Variants in CFAP74 observed in about 807,000 individuals in gnomAD.
CFAP74 encodes cilia and flagella associated protein 74, also known as cilia- and flagella-associated protein 74.
In CFAP74, 124 loss-of-function variants were observed where a neutral mutation model predicts 188.9. The observed-to-expected ratio is 0.66, with a 90% CI of 0.57 to 0.76. The LOEUF is 0.76. CFAP74 is among the 30% of genes least tolerant of loss of function. The pLI, the probability that CFAP74 is intolerant of heterozygous loss-of-function variation, is 0.00. For synonymous variants in CFAP74, 956 were observed against 916.7 expected (o/e 1.04, Z -0.77); for missense variants, 2,198 against 2,165.2 (o/e 1.02, Z -0.30).
Position 1,923,398 on chromosome 1 carries a change from C to T in CFAP74, c.4491G>A (p.Ala1497=), listed in dbSNP as rs971768564. 7.5e-6 allele frequency: 12 copies of T among 1,590,588 alleles called. No homozygotes were observed. The highest frequency in any genetic ancestry group is 2.3e-5 in the East Asian group (1 of 44,158). The change falls in exon 36 of 39, where the codon GCG becomes GCA. Residue 1497 remains alanine, a synonymous_variant. Coordinates refer to ENST00000682832, the MANE Select transcript of CFAP74 (RefSeq NM_001304360.2). The surrounding 1 kb of genome is among the most constrained non-coding windows in gnomAD (Gnocchi z 6.3). The stretch of plus-strand genomic sequence containing the variant: ...TGTGCCTGGGGTCAAATACAGGGAT[C>T]GCTGTCAGAGACTCCACGGGCACGT... The part of the protein sequence containing the change: ...PLDVPVESLT[A]IPVFDPRHRE...
rs879632188 is a variant in CFAP74, at chr1:1,973,395, C to G, written c.675-348G>C. ...GGGACCTTGTGTCTGCAGCCAGGGCCTGGATTCCACAGGGGTTTGTGGCCT... is the reference window on the plus strand; with the variant it reads ...GGGACCTTGTGTCTGCAGCCAGGGCGTGGATTCCACAGGGGTTTGTGGCCT... On this transcript the variant is annotated intron_variant, in intron 7 of 38. Transcript: ENST00000682832. The surrounding 1 kb of genome is among the most constrained non-coding windows in gnomAD (Gnocchi z 6.2). Among the ~76,000 whole-genome samples the G allele has an allele frequency of 2.6e-5, 4 of 151,868 alleles. No homozygotes were observed. Among genetic ancestry groups the G allele is most frequent in the Non-Finnish European group, 5.9e-5 (4 of 67,946 alleles).
At chr1:1,946,113 C>T (rs1274780137) in intron 20 of CFAP74, among the ~76,000 whole-genome samples, 1 of 152,000 alleles carries the variant, frequency 6.6e-6, no homozygotes, top group Non-Finnish European at 1.5e-5. Flanking sequence ...GTGCTCACAG[C>T]ATGCCTGCCT....
At chr1:1,990,650 G>C (rs1348255562) in intron 2 of CFAP74, among the ~76,000 whole-genome samples, 3 of 152,294 alleles carry the variant, frequency 2.0e-5, no homozygotes, top group East Asian at 1.9e-4. Context: ...AATGGCATCA[G>C]ATTTCTCAAT....
chr1:1,948,357 C>T (rs1456499490), intron 18 of CFAP74, among the ~76,000 whole-genome samples: 3 of 151,504 alleles, frequency 2.0e-5, no homozygotes, highest in Non-Finnish European at 2.9e-5. Flanking sequence ...CCTGCAGCCT[C>T]GGCCTCCTGG....
chr1:1,927,042 A>G lies in CFAP74; in HGVS notation c.3528-14T>C. On this transcript the variant is annotated splice_polypyrimidine_tract_variant and intron_variant, in intron 28 of 38. Coordinates refer to ENST00000682832, the MANE Select transcript of CFAP74 (RefSeq NM_001304360.2). The stretch of plus-strand genomic sequence containing the variant: ...TACTCGTCGGAACTAGAAGGAAGTC[A>G]GAGGCTTGCGCTCCCGCCTTGCCCC... 1 of 1,550,106 alleles carries G rather than the reference A, an allele frequency of 6.5e-7. No homozygotes were observed. Among genetic ancestry groups the G allele is most frequent in the Non-Finnish European group, 8.7e-7 (1 of 1,146,830 alleles).
At chr1:1,969,264 AGCCCTGCCCT>A (rs1307381148) in intron 10 of CFAP74, among the ~76,000 whole-genome samples, 1 of 43,118 alleles carries the variant, frequency 2.3e-5, no homozygotes, top group Non-Finnish European at 4.3e-5. Context: ...TGCCCAACCC[AGCCCTGCCCT>A]GCCCTGCCCA....
rs1367003583 is a variant in CFAP74 at position 1,960,010 on chromosome 1, AG to A, written c.1714del (p.Leu572CysfsTer16). The A allele has an allele frequency of 3.0e-5, 48 of 1,590,726 alleles. No individual in the cohort carries two copies. The highest frequency in any genetic ancestry group is 1.7e-4 in the Middle Eastern group (1 of 6,006). ...IHVDFDPPGP[L>X]SAGMSCEVLV... ...CACTTCACAGGACATTCCGGCTGAC[AG>A]GGGGCCAGGGGGGTCAAAGCTGCAG... On this transcript the variant is annotated frameshift_variant, in exon 15 of 39. Coordinates refer to ENST00000682832, the MANE Select transcript of CFAP74 (RefSeq NM_001304360.2). LOFTEE classifies it high-confidence loss of function.
intron 27 of CFAP74, among the ~76,000 whole-genome samples, chr1:1,928,254 G>C (rs1652079130): frequency 1.1e-5 from 1 of 91,616 alleles, no homozygotes; most frequent in Non-Finnish European, 2.3e-5. Flanking sequence ...CAAACCCTTG[G>C]GAGGAAGCCA....
Position 1,923,324 on chromosome 1 carries a change from C to T in CFAP74, c.4522+43G>A, listed in dbSNP as rs1234084915. The T allele has an allele frequency of 6.5e-7, 1 of 1,532,308 alleles. No homozygotes were observed. The highest frequency in any genetic ancestry group is 1.2e-5 in the South Asian group (1 of 83,384). The allele number at this position is 1,532,308 out of a possible 1,614,324, so 94.9% of individuals were successfully genotyped here. On this transcript the variant is annotated intron_variant, in intron 36 of 38. Coordinates refer to ENST00000682832, the MANE Select transcript of CFAP74 (RefSeq NM_001304360.2). The surrounding 1 kb of genome is among the most constrained non-coding windows in gnomAD (Gnocchi z 6.3). Reference sequence around the variant, plus strand: ...GGCCCCCATCCACGGGACAGGGGCACCGGGAGGCCCCGTGTCTGTTCCCTC... The same window carrying T: ...GGCCCCCATCCACGGGACAGGGGCATCGGGAGGCCCCGTGTCTGTTCCCTC...
intron 32 of CFAP74, 125 bp downstream of exon 32, chr1:1,926,103 C>T (rs904972802): frequency 1.4e-6 from 2 of 1,421,040 alleles, no homozygotes; most frequent in Non-Finnish European, 1.9e-6. Flanking sequence ...GGGGGCCAGG[C>T]TGCTCGCAGA....
chr1:1,926,152 G>GC lies in CFAP74; in HGVS notation c.3948+75dup, dbSNP rs1651872547. ...CCAGGCCTGAGCACAGGTGATGCCC[G>GC]CCCCGGCCAGTGCCTTTGTTCTGCA... On this transcript the variant is annotated intron_variant, in intron 32 of 38. Coordinates refer to ENST00000682832, the MANE Select transcript of CFAP74 (RefSeq NM_001304360.2). The GC allele has an allele frequency of 8.9e-5, 129 of 1,455,186 alleles. 1 individual carries two copies. The South Asian group carries it at 1.8e-3, about 21-fold the overall frequency. 90.1% of individuals were successfully genotyped at this position (1,455,186 alleles called of 1,614,324 possible).
In CFAP74 at chr1:1,947,876, C is replaced by CT. The variant is rs984163729; in HGVS notation, c.2177-823dup. On this transcript the variant is annotated intron_variant, in intron 18 of 38. Coordinates refer to ENST00000682832, the MANE Select transcript of CFAP74 (RefSeq NM_001304360.2). The stretch of plus-strand genomic sequence containing the variant: ...TGTAAAGGCCGCAGGGACCCCTGTT[C>CT]TTTTTTTTTTCTTTTAGACGGAGTC... 7.7e-4 allele frequency among the ~76,000 whole-genome samples: 116 copies of CT among 149,720 alleles called. 1 individual carries two copies. Among genetic ancestry groups the CT allele is most frequent in the Admixed American group, 3.6e-3 (54 of 15,028 alleles).
Position 1,924,468 on chromosome 1 carries a change from A to C in CFAP74, c.4157T>G (p.Leu1386Arg), listed in dbSNP as rs1241017256. 1 of 1,583,438 alleles carries C rather than the reference A, an allele frequency of 6.3e-7. No homozygotes were observed. Among genetic ancestry groups the C allele is most frequent in the South Asian group, 1.1e-5 (1 of 89,006 alleles). ...CTGGCCCCGGCCCCGGGTGCTGGAG[A>C]GGCTGTCCAGGTGCATGGAGAACTT... Reference protein sequence around the residue: ...PIKFSMHLDSLSSTRGRGQQQ... With the variant: ...PIKFSMHLDSRSSTRGRGQQQ... Residue 1386 changes from leucine to arginine, a missense_variant, in exon 34 of 39, where the codon CTC becomes CGC. Physicochemically the swap from Leu to Arg is moderately radical, Grantham distance 102. Coordinates refer to ENST00000682832, the MANE Select transcript of CFAP74 (RefSeq NM_001304360.2).
At position 1,924,444 on chromosome 1, in the gene CFAP74, TG is replaced by T; in HGVS notation, c.4180del (p.Gln1394SerfsTer78). 6.8e-7 allele frequency: 1 copy of T among 1,479,882 alleles called. No homozygotes were observed. The highest frequency in any genetic ancestry group is 9.0e-7 in the Non-Finnish European group (1 of 1,106,616). The allele number at this position is 1,479,882 out of a possible 1,614,324, so 91.7% of individuals were successfully genotyped here. On this transcript the variant is annotated frameshift_variant, in exon 34 of 39. Coordinates refer to ENST00000682832, the MANE Select transcript of CFAP74 (RefSeq NM_001304360.2). LOFTEE classifies it high-confidence loss of function. ...GCTGAGGAACTGCGGCAGCTGCTGC[TG>T]GCCCCGGCCCCGGGTGCTGGAGAGG... ...DSLSSTRGRG[Q>X]QQLPQFLSSP... is the part of the protein sequence containing the mutation.
chr1:1,934,441 G>GTGTA (rs145386853), intron 25 of CFAP74, among the ~76,000 whole-genome samples: 16,142 of 30,870 alleles, frequency 0.52, 5,391 homozygotes, highest in African/African-American at 0.74. Flanking sequence ...GTACACATGT[G>GTGTA]TGTATTAGGT....
In CFAP74 at chr1:1,930,324, C is replaced by G. The variant is rs112565031; in HGVS notation, c.3024G>C (p.Leu1008=). Residue 1008 remains leucine, a synonymous_variant, in exon 26 of 39, where the codon CTG becomes CTC. Coordinates refer to ENST00000682832, the MANE Select transcript of CFAP74 (RefSeq NM_001304360.2). ...GGTGGACGCCTACAGCCCGGCAAGA[C>G]AGCTTGAAGCACCTGCAAGCAGCAG... The part of the protein sequence containing the change: ...CKSEINRCFK[L]SCRAVGVHPP... 291 of 1,522,222 alleles carry G rather than the reference C, an allele frequency of 1.9e-4. 2 individuals are homozygous for G. The African/African-American group carries it at 3.2e-3, about 17-fold the overall frequency. The allele number at this position is 1,522,222 out of a possible 1,614,324, so 94.3% of individuals were successfully genotyped here.
At chr1:1,999,982 G>A (rs888330528) in intron 1 of CFAP74, among the ~76,000 whole-genome samples, 31 of 152,180 alleles carry the variant, frequency 2.0e-4, no homozygotes, top group African/African-American at 6.7e-4. Context: ...TGGCTAACAC[G>A]GTGAAACCCC....
chr1:1,966,453 T>C lies in CFAP74; in HGVS notation c.1319A>G (p.Asp440Gly). Residue 440 changes from aspartate to glycine, a missense_variant, in exon 12 of 39, where the codon GAC (aspartate) becomes GGC (glycine). Coordinates refer to ENST00000682832, the MANE Select transcript of CFAP74 (RefSeq NM_001304360.2). ...TTCCTCCTCTGAGCTGGCCCCGGGG[T>C]CCCCCTGGATAAGCTCACTGGAAAC... ...EVVSSELIQG[D>G]PGASSEEETL... 2 of 1,603,128 alleles carry C rather than the reference T, an allele frequency of 1.2e-6. No individual in the cohort carries two copies. Among genetic ancestry groups the C allele is most frequent in the Non-Finnish European group, 1.7e-6 (2 of 1,174,028 alleles).
In CFAP74 at chr1:1,956,658, G is replaced by A. The variant is rs767891161; in HGVS notation, c.1978C>T (p.Pro660Ser). ...TTFKFLPASEPCEMDDSQSAL... is the reference protein window; with the variant it reads ...TTFKFLPASESCEMDDSQSAL... ...GACTGGGAGTCGTCCATCTCACAGG[G>A]CTCTGAAGCTGGCAGGAACTTGAAA... Residue 660 changes from proline (P) to serine (S), a missense_variant, in exon 17 of 39, where the codon CCC becomes TCC. Physicochemically the swap from Pro to Ser is moderately conservative, Grantham distance 74. Coordinates refer to ENST00000682832, the MANE Select transcript of CFAP74 (RefSeq NM_001304360.2). 4.3e-6 allele frequency: 7 copies of A among 1,614,140 alleles called. No individual in the cohort carries two copies. Among genetic ancestry groups the A allele is most frequent in the African/African-American group, 1.3e-5 (1 of 75,070 alleles).
Sources: gnomAD v4.1 joint callset for allele counts (sites outside exome capture counted in the v4.1 genomes callset) on GRCh38, gnomAD v4.1.1 for gene constraint, Gnocchi (gnomAD v3.1) non-coding constraint, MANE v1.5 for transcripts, NCBI Gene and HGNC (gene_info 2026-07-23, HGNC 2026-07-21) for gene names.